The following SAMD12 variants were observed in gnomAD, a reference collection of about 807,000 sequenced individuals.
SAMD12 encodes the protein sterile alpha motif domain containing 12, also known as sterile alpha motif domain-containing protein 12.
SAMD12 carries 9 observed loss-of-function variants against 15.0 expected under a neutral mutation model. That is an observed-to-expected ratio of 0.60 (90% CI 0.36 to 1.05). The LOEUF is 1.05. Among genes scored for constraint, SAMD12 ranks in the 50% least tolerant of loss-of-function variants. SAMD12 has a pLI of 0.01. For missense variants in SAMD12, 230 were observed against 234.2 expected, an observed-to-expected ratio of 0.98 and a Z score of 0.12; for synonymous variants, 86 against 90.1, an observed-to-expected ratio of 0.96 and a Z score of 0.25.
At chr8:118,142,429 TC>T in the SAMD12 span, among the ~76,000 whole-genome samples, 1 of 152,204 alleles carries the variant, frequency 6.6e-6, no homozygotes, top group African/African-American at 2.4e-5. Flanking sequence ...AGGTTTCTCT[TC>T]TTCTGGGAAC....
chr8:118,617,133 A>G (rs900236365), intron 1 of SAMD12, among the ~76,000 whole-genome samples: 3 of 152,204 alleles, frequency 2.0e-5, no homozygotes, highest in African/African-American at 7.2e-5. Flanking sequence ...GTCAGAAAAA[A>G]ATAACCCACT....
intron 4 of SAMD12, among the ~76,000 whole-genome samples, chr8:118,236,156 T>G (rs1287592832): frequency 6.6e-6 from 1 of 152,180 alleles, no homozygotes; most frequent in African/African-American, 2.4e-5. Flanking sequence ...TAACAGATTC[T>G]TCTACAAATG....
At chr8:118,352,621 G>A (rs1318025967) in intron 4 of SAMD12, among the ~76,000 whole-genome samples, 1 of 152,198 alleles carries the variant, frequency 6.6e-6, no homozygotes. Flanking sequence ...GGGAAAAGTG[G>A]TTGGTGGGGA....
the SAMD12 span, among the ~76,000 whole-genome samples, chr8:118,143,223 G>T: frequency 6.6e-6 from 1 of 152,142 alleles, no homozygotes; most frequent in African/African-American, 2.4e-5. Flanking sequence ...GTATATCTAA[G>T]AGTATAGATT....
At chr8:118,392,341 G>A (rs1431183574) in intron 3 of SAMD12, among the ~76,000 whole-genome samples, 4 of 152,226 alleles carry the variant, frequency 2.6e-5, no homozygotes, top group African/African-American at 9.6e-5. Context: ...CGAGGCAGGA[G>A]AATCACTTGA....
At chr8:118,284,123 G>T (rs1813802341) in intron 4 of SAMD12, 1 of 361,156 alleles carries the variant, frequency 2.8e-6, no homozygotes, top group Non-Finnish European at 5.4e-6. Flanking sequence ...ATTAAATAAT[G>T]CCCTTCCATG....
intron 2 of SAMD12, among the ~76,000 whole-genome samples, chr8:118,508,237 G>A (rs748654895): frequency 4.0e-5 from 6 of 150,140 alleles, no homozygotes; most frequent in East Asian, 2.0e-4. Context: ...AGGGCCTGTC[G>A]TGGGGTCGGG....
At chr8:118,480,457 A>G (rs1385036163) in intron 2 of SAMD12, among the ~76,000 whole-genome samples, 2 of 152,252 alleles carry the variant, frequency 1.3e-5, no homozygotes, top group Non-Finnish European at 2.9e-5. Context: ...GCAAAGTTAT[A>G]AAACTCTTAA....
At chr8:118,282,482 T>C (rs1813697757) in intron 4 of SAMD12, among the ~76,000 whole-genome samples, 1 of 152,258 alleles carries the variant, frequency 6.6e-6, no homozygotes, top group Non-Finnish European at 1.5e-5. Context: ...TTTATTTCTC[T>C]TGCTTTTCAA....
At chr8:118,229,024 A>C (rs2129910611) in intron 4 of SAMD12, among the ~76,000 whole-genome samples, 1 of 152,298 alleles carries the variant, frequency 6.6e-6, no homozygotes, top group South Asian at 2.1e-4. Flanking sequence ...ATTCTAAGTG[A>C]AGTATGGAAA....
At chr8:118,138,912 A>G in the SAMD12 span, among the ~76,000 whole-genome samples, 3 of 152,186 alleles carry the variant, frequency 2.0e-5, no homozygotes, top group African/African-American at 7.2e-5. Flanking sequence ...GCATCAGCCA[A>G]TACCGACACT....
chr8:118,393,687 C>T (rs1416077184), intron 3 of SAMD12, among the ~76,000 whole-genome samples: 1 of 152,068 alleles, frequency 6.6e-6, no homozygotes, highest in Non-Finnish European at 1.5e-5. Flanking sequence ...CAACCTCCGC[C>T]TCCTGGGTTC....
chr8:118,605,093 C>T (rs1827954400), intron 1 of SAMD12, among the ~76,000 whole-genome samples: 2 of 152,010 alleles, frequency 1.3e-5, no homozygotes, highest in African/African-American at 4.8e-5. Context: ...TGCAAAGGCC[C>T]CTCATTTGGT....
chr8:118,475,847 G>T (rs4584171), intron 2 of SAMD12, among the ~76,000 whole-genome samples: 59,068 of 151,976 alleles, frequency 0.39, 13,623 homozygotes, highest in Non-Finnish European at 0.49. Context: ...AAGCAGATGG[G>T]ATCAACAGAT....
chr8:118,302,002 G>C (rs890417412), intron 4 of SAMD12, among the ~76,000 whole-genome samples: 1 of 145,482 alleles, frequency 6.9e-6, no homozygotes, highest in Non-Finnish European at 1.5e-5. Context: ...ACAATAATAA[G>C]ACCAGTATAT....
In SAMD12 at chr8:118,228,877, G is replaced by A. The variant is rs112809186; in HGVS notation, c.434-31145C>T. ...GCACAATTCACAATTGCTAAATCGCGGAACAAATACAAATGCCCATCAGTC... is the reference window on the plus strand; with the variant it reads ...GCACAATTCACAATTGCTAAATCGCAGAACAAATACAAATGCCCATCAGTC... On this transcript the variant is annotated intron_variant, in intron 4 of 4. Coordinates refer to the SAMD12 transcript ENST00000409003. Among the ~76,000 whole-genome samples the A allele has an allele frequency of 1.3e-3, 198 of 152,254 alleles. 1 individual carries two copies. The highest frequency in any genetic ancestry group is 4.5e-3 in the African/African-American group (187 of 41,548).
chr8:118,330,228 T>C (rs1044899171), intron 4 of SAMD12, among the ~76,000 whole-genome samples: 1 of 152,202 alleles, frequency 6.6e-6, no homozygotes, highest in African/African-American at 2.4e-5. Context: ...GATTTAAGTA[T>C]ACAGAAGATA....
chr8:118,512,213 A>C (rs960385627), intron 2 of SAMD12, among the ~76,000 whole-genome samples: 2 of 152,198 alleles, frequency 1.3e-5, no homozygotes, highest in Non-Finnish European at 2.9e-5. Flanking sequence ...AACTTCCAGG[A>C]AAGAGACATT....
intron 4 of SAMD12, among the ~76,000 whole-genome samples, chr8:118,257,984 T>C (rs1486077793): frequency 6.6e-6 from 1 of 152,140 alleles, no homozygotes; most frequent in East Asian, 1.9e-4. Flanking sequence ...GGAATATTCC[T>C]TGCTACGGCA....
Sources: gnomAD v4.1 joint callset for allele counts (sites outside exome capture counted in the v4.1 genomes callset) on GRCh38, gnomAD v4.1.1 for gene constraint, MANE v1.5 for transcripts, NCBI Gene and HGNC (gene_info 2026-07-23, HGNC 2026-07-21) for gene names.